The following DENND10 variants were observed in gnomAD, a reference collection of about 807,000 sequenced individuals.
The protein encoded by DENND10 is DENN domain containing 10.
A neutral mutation model predicts 43.6 loss-of-function variants in DENND10; 24 were observed. That is an observed-to-expected ratio of 0.55 (90% CI 0.40 to 0.77). The LOEUF (loss-of-function observed/expected upper bound fraction) is 0.77. Among genes scored for constraint, DENND10 ranks in the 30% least tolerant of loss-of-function variants. DENND10 has a pLI of 0.00. For missense variants in DENND10, 303 were observed against 429.9 expected (o/e 0.70, Z 2.61); for synonymous variants, 125 against 157.6 (o/e 0.79, Z 1.55).
At chr10:119,110,115 A>G (rs749635175) in intron 2 of DENND10, among the ~76,000 whole-genome samples, 3 of 152,040 alleles carry the variant, frequency 2.0e-5, no homozygotes, top group South Asian at 2.1e-4. Context: ...ACCTGGCCAA[A>G]AAGATAGGTT....
At chr10:119,123,896 T>G (rs542703169) in intron 6 of DENND10, among the ~76,000 whole-genome samples, 1 of 150,850 alleles carries the variant, frequency 6.6e-6, no homozygotes, top group African/African-American at 2.4e-5. Context: ...TTTTTTAGTT[T>G]AAAAAAAAAT....
rs1846422435 is a variant in DENND10 at position 119,137,746 on chromosome 10, T to C, written c.*1099T>C. ...CTTTCATCTTTTTCTTGGTATTACA[T>C]ATTTGTTCAATAAAAATTAAACACC... On this transcript the variant is annotated 3_prime_UTR_variant, in exon 9 of 9. Coordinates refer to ENST00000361432, the MANE Select transcript of DENND10 (RefSeq NM_207009.4). 6.0e-6 allele frequency: 1 copy of C among 166,598 alleles called. No individual in the cohort carries two copies. The highest frequency in any genetic ancestry group is 6.6e-5 in the Admixed American group (1 of 15,186). The allele number at this position is 166,598 out of a possible 1,614,324, so 10.3% of individuals were successfully genotyped here.
At chr10:119,116,867 G>C (rs1476687473) in intron 3 of DENND10, among the ~76,000 whole-genome samples, 1 of 151,018 alleles carries the variant, frequency 6.6e-6, no homozygotes, top group East Asian at 2.0e-4. Flanking sequence ...TTTAGTAGAG[G>C]TGAGGTTTTG....
At chr10:119,113,158 G>A (rs1259426803) in intron 3 of DENND10, among the ~76,000 whole-genome samples, 2 of 150,356 alleles carry the variant, frequency 1.3e-5, no homozygotes, top group African/African-American at 4.9e-5. Context: ...GCCTTGCAGG[G>A]TTTTAGTCGT....
At chr10:119,116,350 C>G (rs1308160010) in intron 3 of DENND10, among the ~76,000 whole-genome samples, 3 of 152,136 alleles carry the variant, frequency 2.0e-5, no homozygotes, top group Non-Finnish European at 4.4e-5. Flanking sequence ...CTAAATATAG[C>G]TACCTCTGGG....
In DENND10 at chr10:119,117,637, C is replaced by G; in HGVS notation, c.451C>G (p.Arg151Gly). Residue 151 changes from arginine to glycine, a missense_variant, in exon 4 of 9, where the codon CGA becomes GGA. Physicochemically the swap from Arg to Gly is moderately radical, Grantham distance 125 (BLOSUM62 -2). Coordinates refer to ENST00000361432, the MANE Select transcript of DENND10 (RefSeq NM_207009.4). ...GSFLSKDFDA[R>G]KAYLAGSIKD... ...TTTCCTTAGTAAGGATTTTGATGCC[C>G]GAAAGGCCTACCTGGCTGGCTCCAT... 6.2e-7 allele frequency: 1 copy of G among 1,613,850 alleles called. No homozygotes were observed. Among genetic ancestry groups the G allele is most frequent in the South Asian group, 1.1e-5 (1 of 91,056 alleles).
intron 4 of DENND10, among the ~76,000 whole-genome samples, chr10:119,119,099 C>T (rs1248401517): frequency 1.3e-5 from 2 of 151,274 alleles, no homozygotes; most frequent in Non-Finnish European, 1.5e-5. Context: ...CCGCATCCTC[C>T]GCCTCCTGGG....
chr10:119,137,893 T>C lies in DENND10; in HGVS notation c.*1246T>C, dbSNP rs530002110. The C allele has an allele frequency of 6.0e-6, 1 of 166,716 alleles. No homozygotes were observed. Among genetic ancestry groups the C allele is most frequent in the Non-Finnish European group, 1.5e-5 (1 of 68,088 alleles). 10.3% of individuals were successfully genotyped at this position (166,716 alleles called of 1,614,324 possible). A position where few individuals can be genotyped will look rare whatever the true frequency, so the allele number is the denominator to read the frequency against. Reference sequence around the variant, plus strand: ...AGGAATATTAACATCTTTTTTCTCATTTTTTTGTATTACTATATTAGCTAA... The same window carrying C: ...AGGAATATTAACATCTTTTTTCTCACTTTTTTGTATTACTATATTAGCTAA... On this transcript the variant is annotated 3_prime_UTR_variant, in exon 9 of 9. Coordinates refer to ENST00000361432, the MANE Select transcript of DENND10 (RefSeq NM_207009.4).
At chr10:119,114,452 C>T (rs1045090701) in intron 3 of DENND10, 1 of 152,266 alleles carries the variant, frequency 6.6e-6, no homozygotes, top group Non-Finnish European at 1.5e-5. Context: ...AGGAGGGAAC[C>T]TCATTCCCTA....
At position 119,132,131 on chromosome 10, in the gene DENND10, G is replaced by A. The variant is rs947613239; in HGVS notation, c.803-384G>A. On this transcript the variant is annotated intron_variant, in intron 7 of 8. Coordinates refer to ENST00000361432, the MANE Select transcript of DENND10 (RefSeq NM_207009.4). This position sits in a 1 kb window ranked among gnomAD's most constrained non-coding sequence, Gnocchi z 4.2. ...GAAGCTCCTCTTTCACAATATTCCC[G>A]CCAAAAAGATACATTTCTTAACTGT... 2.0e-5 allele frequency among the ~76,000 whole-genome samples: 3 copies of A among 152,094 alleles called. No individual in the cohort carries two copies. The highest frequency in any genetic ancestry group is 1.9e-4 in the East Asian group (1 of 5,190).
chr10:119,123,506 A>G lies in DENND10; in HGVS notation c.631A>G (p.Thr211Ala), dbSNP rs945230812. ...PALVWHRQDW[T>A]ILHSYVHLNA... is the part of the protein sequence containing the mutation. Reference sequence around the variant, plus strand: ...CCTGGTGTGGCACCGACAGGACTGGACCATCCTTCACTCTTACGTGCACCT... The same window carrying G: ...CCTGGTGTGGCACCGACAGGACTGGGCCATCCTTCACTCTTACGTGCACCT... The change falls in exon 6 of 9, where the codon ACC (threonine) becomes GCC (alanine). Residue 211 changes from threonine (T) to alanine (A), a missense_variant. Thr to Ala is a moderately conservative substitution (Grantham distance 58). Coordinates refer to ENST00000361432, the MANE Select transcript of DENND10 (RefSeq NM_207009.4). 4.3e-6 allele frequency: 7 copies of G among 1,613,738 alleles called. No individual in the cohort carries two copies. Among genetic ancestry groups the G allele is most frequent in the Admixed American group, 3.3e-5 (2 of 59,970 alleles).
intron 4 of DENND10, among the ~76,000 whole-genome samples, chr10:119,119,956 T>C (rs1418908305): frequency 1.3e-5 from 2 of 152,090 alleles, no homozygotes; most frequent in African/African-American, 4.8e-5. Context: ...GTATTAAAAA[T>C]AATTTTGTAC....
chr10:119,117,497 G>T, intron 3 of DENND10, 22 bp from the exon 4 acceptor site: 4 of 1,608,020 alleles, frequency 2.5e-6, no homozygotes, highest in Non-Finnish European at 3.4e-6. Context: ...AATCACAGTT[G>T]CTTTGTTGTC....
At position 119,104,196 on chromosome 10, in the gene DENND10, C is replaced by G. The variant is rs75277104; in HGVS notation, c.54C>G (p.Ile18Met). 2.2e-3 allele frequency: 3,339 copies of G among 1,519,900 alleles called. 48 individuals are homozygous for G. The East Asian group carries it at 0.044, about 20-fold the overall frequency. 94.2% of individuals were successfully genotyped at this position (1,519,900 alleles called of 1,614,324 possible). The stretch of plus-strand genomic sequence containing the variant: ...AGCTGATGCTTGGAGTCGGGCTGAT[C>G]GGTGAGGACGTAGGCGCCCTGCCTG... Reference protein sequence around the residue: ...DTQLMLGVGLIEKDTNGEVLW... With the variant: ...DTQLMLGVGLMEKDTNGEVLW... Residue 18 changes from isoleucine (I) to methionine (M), a missense_variant and splice_region_variant, in exon 1 of 9, where the codon ATC (isoleucine) becomes ATG (methionine). Physicochemically the swap from Ile to Met is conservative, Grantham distance 10. Transcript: ENST00000361432.
rs367836571 is a variant in DENND10, at chr10:119,135,791, T to TAAAAAAAAAAAAAAAAAAAAAAA, written c.898-677_898-655dup. 7.7e-4 allele frequency among the ~76,000 whole-genome samples: 49 copies of TAAAAAAAAAAAAAAAAAAAAAAA among 64,018 alleles called. 2 individuals carry two copies. The highest frequency in any genetic ancestry group is 2.1e-3 in the East Asian group (4 of 1,908). The allele number at this position is 64,018 out of a possible 152,430, so 42.0% of individuals were successfully genotyped here. A position where few individuals can be genotyped will look rare whatever the true frequency, so the allele number is the denominator to read the frequency against. ...TACACTCAGAAAATGACTAAAATTGTAAAAAAAAAAAAAAAAAAAAAAAAA... is the reference window on the plus strand; with the variant it reads ...TACACTCAGAAAATGACTAAAATTGTAAAAAAAAAAAAAAAAAAAAAAAAAAAAAAAAAAAAAAAAAAAAAAAA... On this transcript the variant is annotated intron_variant, in intron 8 of 8. Coordinates refer to ENST00000361432, the MANE Select transcript of DENND10 (RefSeq NM_207009.4).
Position 119,105,476 on chromosome 10 carries a change from G to A in DENND10, c.55+1279G>A, listed in dbSNP as rs774100414. Reference sequence around the variant, plus strand: ...ATTTTTGTATTTTTTGTGGAGATGGGATACCGACATGTTGTCCAGGTGGAT... The same window carrying A: ...ATTTTTGTATTTTTTGTGGAGATGGAATACCGACATGTTGTCCAGGTGGAT... On this transcript the variant is annotated intron_variant, in intron 1 of 8. Transcript: ENST00000361432. The A allele has an allele frequency of 7.8e-4, 864 of 1,108,318 alleles. 1 individual carries two copies. Among genetic ancestry groups the A allele is most frequent in the Non-Finnish European group, 9.2e-4 (790 of 856,552 alleles). The allele number at this position is 1,108,318 out of a possible 1,614,324, so 68.7% of individuals were successfully genotyped here. A position where few individuals can be genotyped will look rare whatever the true frequency, so the allele number is the denominator to read the frequency against.
chr10:119,120,588 T>C (rs1845524811), intron 5 of DENND10, 136 bp downstream of exon 5: 1 of 649,696 alleles, frequency 1.5e-6, no homozygotes, highest in African/African-American at 1.8e-5. Context: ...GGTCTGAAGT[T>C]TCTGTTTAGC....
intron 6 of DENND10, among the ~76,000 whole-genome samples, chr10:119,127,309 A>C (rs764598442): frequency 1.3e-5 from 2 of 152,028 alleles, no homozygotes; most frequent in Non-Finnish European, 1.5e-5. Context: ...TTTTTACCCT[A>C]TGGATAACCA....
In DENND10 at chr10:119,111,901, A is replaced by T. The variant is rs1317032185; in HGVS notation, c.305A>T (p.Tyr102Phe). The T allele has an allele frequency of 6.2e-7, 1 of 1,612,900 alleles. No homozygotes were observed. The highest frequency in any genetic ancestry group is 1.1e-5 in the South Asian group (1 of 91,060). Residue 102 changes from tyrosine (Y) to phenylalanine (F), a missense_variant, in exon 3 of 9, where the codon TAT becomes TTT. Transcript: ENST00000361432. ...LTAKDFNPEKYAAFTRILCRM... is the reference protein window; with the variant it reads ...LTAKDFNPEKFAAFTRILCRM... ...GCCAAAGATTTTAACCCAGAGAAGT[A>T]TGCTGCCTTCACTAGGATATTGTGT... is the stretch of plus-strand genomic sequence containing the variant.
Sources: gnomAD v4.1 joint callset for allele counts (sites outside exome capture counted in the v4.1 genomes callset) on GRCh38, gnomAD v4.1.1 for gene constraint, Gnocchi (gnomAD v3.1) non-coding constraint, MANE v1.5 for transcripts, NCBI Gene and HGNC (gene_info 2026-07-23, HGNC 2026-07-21) for gene names.